The following ADAMTSL3 variants were observed in gnomAD, a reference collection of about 807,000 sequenced individuals.
ADAMTSL3 encodes the protein ADAMTS like 3.
In ADAMTSL3, 128 loss-of-function variants were observed where a neutral mutation model predicts 201.7. The ratio of observed to expected loss-of-function variants is 0.63; its 90% confidence interval spans 0.55 to 0.73. ADAMTSL3 has a LOEUF of 0.73. Ranked by LOEUF, ADAMTSL3 falls within the 30% of genes least tolerant of loss-of-function variation. ADAMTSL3 has a pLI of 0.00. For missense variants in ADAMTSL3, 1,990 were observed against 2,119.6 expected (o/e 0.94, Z 1.20); for synonymous variants, 738 against 748.4 (o/e 0.99, Z 0.23).
At chr15:83,769,304 A>G (rs1031571821) in intron 3 of ADAMTSL3, among the ~76,000 whole-genome samples, 5 of 152,210 alleles carry the variant, frequency 3.3e-5, no homozygotes, top group Non-Finnish European at 7.3e-5. Context: ...TGAAAAATCA[A>G]TTTCAGCTGT....
chr15:83,693,465 T>C (rs1393028616), intron 2 of ADAMTSL3, among the ~76,000 whole-genome samples: 1 of 152,132 alleles, frequency 6.6e-6, no homozygotes, highest in Non-Finnish European at 1.5e-5. Flanking sequence ...CTGCCTTGGG[T>C]AGAGGCAGAT....
chr15:83,703,776 A>G (rs903519554), intron 2 of ADAMTSL3, among the ~76,000 whole-genome samples: 5 of 152,194 alleles, frequency 3.3e-5, no homozygotes, highest in East Asian at 1.9e-4. Flanking sequence ...AACTAAACAC[A>G]GTCTACAATA....
intron 2 of ADAMTSL3, among the ~76,000 whole-genome samples, chr15:83,663,756 G>A (rs1318203440): frequency 3.9e-5 from 6 of 152,300 alleles, no homozygotes; most frequent in Admixed American, 3.9e-4. Context: ...ATCTTGGGTC[G>A]TCTTGGATGC....
At position 83,924,030 on chromosome 15, in the gene ADAMTSL3, C is replaced by A. The variant is rs113618515; in HGVS notation, c.2114C>A (p.Pro705His). 1.2e-6 allele frequency: 2 copies of A among 1,614,062 alleles called. No homozygotes were observed. Among genetic ancestry groups the A allele is most frequent in the Admixed American group, 1.7e-5 (1 of 59,998 alleles). Residue 705 changes from proline to histidine, a missense_variant, in exon 17 of 30, where the codon CCC becomes CAC. By Grantham distance (77) the Pro-to-His change is moderately conservative (BLOSUM62 -2). Coordinates refer to ENST00000286744, the MANE Select transcript of ADAMTSL3 (RefSeq NM_207517.3). ...SQACNTEPCP[P>H]RWHVGSWGPC... ...GCCTGTAACACAGAGCCCTGTCCCC[C>A]CAGGTATGTGCTGTCTTGTGTTCCT...
chr15:83,811,946 G>A (rs571847021), intron 5 of ADAMTSL3, among the ~76,000 whole-genome samples: 2 of 152,296 alleles, frequency 1.3e-5, no homozygotes, highest in Admixed American at 1.3e-4. Flanking sequence ...CCCAAGCTGT[G>A]TTGCAAACCA....
Position 83,913,315 on chromosome 15 carries a change from A to G in ADAMTSL3, c.1924A>G (p.Ser642Gly). The G allele has an allele frequency of 1.9e-6, 3 of 1,613,916 alleles. No individual in the cohort carries two copies. The highest frequency in any genetic ancestry group is 2.5e-6 in the Non-Finnish European group (3 of 1,180,006). ...GCTAGACATCCCTCTCCCTGAGGAC[A>G]GTGAGACGACTTACGACTGGGAGTA... Reference protein sequence around the residue: ...RELDIPLPEDSETTYDWEYAG... With the variant: ...RELDIPLPEDGETTYDWEYAG... Residue 642 changes from serine (S) to glycine (G), a missense_variant, in exon 16 of 30, where the codon AGT becomes GGT. Coordinates refer to ENST00000286744, the MANE Select transcript of ADAMTSL3 (RefSeq NM_207517.3).
rs575562176 is a variant in ADAMTSL3 at position 84,004,417 on chromosome 15, T to G, written c.3974-10125T>G. Reference sequence around the variant, plus strand: ...TGGGGCCAAAGAGGTCCCTGGAAATTATCTCAAATATCCTCTCAAAATGAG... The same window carrying G: ...TGGGGCCAAAGAGGTCCCTGGAAATGATCTCAAATATCCTCTCAAAATGAG... On this transcript the variant is annotated intron_variant, in intron 23 of 29. Coordinates refer to ENST00000286744, the MANE Select transcript of ADAMTSL3 (RefSeq NM_207517.3). Among the ~76,000 whole-genome samples, 94 of 152,232 alleles carry G rather than the reference T, an allele frequency of 6.2e-4. 1 individual carries two copies. The highest frequency in any genetic ancestry group is 2.2e-3 in the African/African-American group (91 of 41,548).
intron 3 of ADAMTSL3, among the ~76,000 whole-genome samples, chr15:83,721,647 A>T (rs1416167280): frequency 6.6e-6 from 1 of 152,198 alleles, no homozygotes; most frequent in Non-Finnish European, 1.5e-5. Flanking sequence ...CAATTCTCTA[A>T]ACACTCTTAG....
At chr15:83,764,608 C>A (rs751177967) in intron 3 of ADAMTSL3, among the ~76,000 whole-genome samples, 3 of 151,992 alleles carry the variant, frequency 2.0e-5, no homozygotes, top group Admixed American at 6.6e-5. Flanking sequence ...CTCAGGCAGC[C>A]CTGTATACAC....
chr15:83,705,813 C>T (rs779380554), intron 3 of ADAMTSL3, among the ~76,000 whole-genome samples: 7 of 152,126 alleles, frequency 4.6e-5, no homozygotes, highest in Admixed American at 6.5e-5. Flanking sequence ...CCCTCCAGAC[C>T]GCTGTGGGCA....
chr15:83,888,457 A>G (rs2065440979), intron 10 of ADAMTSL3, among the ~76,000 whole-genome samples: 1 of 152,002 alleles, frequency 6.6e-6, no homozygotes. Context: ...TGTTTTGGGG[A>G]AAATAAAACA....
At chr15:83,943,127 C>T in intron 19 of ADAMTSL3, 45 bp downstream of exon 19, 2 of 1,547,870 alleles carry the variant, frequency 1.3e-6, no homozygotes, top group Non-Finnish European at 8.7e-7. Context: ...TTCTGCCCCT[C>T]CTTTGTTTCA....
At chr15:83,689,978 A>G (rs1441723601) in intron 2 of ADAMTSL3, among the ~76,000 whole-genome samples, 2 of 152,194 alleles carry the variant, frequency 1.3e-5, no homozygotes, top group Non-Finnish European at 2.9e-5. Context: ...TTAAAGGACT[A>G]TTGAGATTTT....
intron 25 of ADAMTSL3, 80 bp downstream of exon 25, chr15:84,016,579 A>G (rs2141899611): frequency 8.3e-7 from 1 of 1,207,142 alleles, no homozygotes; most frequent in South Asian, 1.3e-5. Flanking sequence ...GACCATCTGT[A>G]TTTTTCACTT....
intron 17 of ADAMTSL3, among the ~76,000 whole-genome samples, chr15:83,924,459 G>GT (rs972119517): frequency 7.2e-5 from 11 of 152,142 alleles, no homozygotes; most frequent in African/African-American, 2.7e-4. Flanking sequence ...GTAATCTCCT[G>GT]TTTGATATCT....
chr15:84,037,927 G>T lies in ADAMTSL3; in HGVS notation c.*121G>T. On this transcript the variant is annotated 3_prime_UTR_variant, in exon 30 of 30. Coordinates refer to ENST00000286744, the MANE Select transcript of ADAMTSL3 (RefSeq NM_207517.3). ...AAGACTAGATTCTATGGATCAAACAGAGGTTGATGCAAAAACACCACTGTT... is the reference window on the plus strand; with the variant it reads ...AAGACTAGATTCTATGGATCAAACATAGGTTGATGCAAAAACACCACTGTT... 7.2e-7 allele frequency: 1 copy of T among 1,384,056 alleles called. No homozygotes were observed. Among genetic ancestry groups the T allele is most frequent in the Non-Finnish European group, 9.5e-7 (1 of 1,053,414 alleles). 85.7% of individuals were successfully genotyped at this position (1,384,056 alleles called of 1,614,324 possible). A position where few individuals can be genotyped will look rare whatever the true frequency, so the allele number is the denominator to read the frequency against.
chr15:83,952,464 A>G (rs989707044), intron 19 of ADAMTSL3, among the ~76,000 whole-genome samples: 4 of 152,152 alleles, frequency 2.6e-5, no homozygotes, highest in African/African-American at 7.2e-5. Context: ...CTATTGCCCT[A>G]TAGTGTAGAT....
intron 27 of ADAMTSL3, among the ~76,000 whole-genome samples, chr15:84,026,558 C>G (rs2068311628): frequency 6.6e-6 from 1 of 152,064 alleles, no homozygotes; most frequent in East Asian, 1.9e-4. Flanking sequence ...TACCAAAAAG[C>G]TACAGTAATC....
chr15:83,970,453 A>ATTTGACT (rs754947891), intron 19 of ADAMTSL3, 31 bp from the exon 20 acceptor site: 1 of 1,613,684 alleles, frequency 6.2e-7, no homozygotes, highest in Admixed American at 1.7e-5. Context: ...CTCATGCTCC[A>ATTTGACT]TTTGACTCTG....
Sources: gnomAD v4.1 joint callset for allele counts (sites outside exome capture counted in the v4.1 genomes callset) on GRCh38, gnomAD v4.1.1 for gene constraint, MANE v1.5 for transcripts, NCBI Gene and HGNC (gene_info 2026-07-23, HGNC 2026-07-21) for gene names.